CYTH1: variants seen among roughly 807,000 people sequenced by gnomAD.
CYTH1 encodes the protein cytohesin-1.
CYTH1 carries 18 observed loss-of-function variants against 61.8 expected under a neutral mutation model. That is an observed-to-expected ratio of 0.29 (90% CI 0.20 to 0.43). CYTH1 has a LOEUF of 0.43. Ranked by LOEUF, CYTH1 falls within the 20% of genes least tolerant of loss-of-function variation. The pLI is 1.00. For synonymous variants in CYTH1, 174 were observed against 184.3 expected (o/e 0.94, Z 0.45); for missense variants, 336 against 510.5 (o/e 0.66, Z 3.29).
chr17:78,682,063 C>A (rs2092769970), intron 11 of CYTH1, among the ~76,000 whole-genome samples: 1 of 151,562 alleles, frequency 6.6e-6, no homozygotes, highest in Non-Finnish European at 1.5e-5. Flanking sequence ...GCTCCTCTTA[C>A]CCGGGCATAT....
chr17:78,737,488 T>C (rs1325034525), intron 1 of CYTH1, among the ~76,000 whole-genome samples: 4 of 152,088 alleles, frequency 2.6e-5, no homozygotes, highest in Non-Finnish European at 4.4e-5. Context: ...TTAAAATCCC[T>C]GGTCCCCTCA....
At chr17:78,713,207 TACAG>T (rs2093151691) in intron 1 of CYTH1, among the ~76,000 whole-genome samples, 2 of 152,124 alleles carry the variant, frequency 1.3e-5, no homozygotes, top group Non-Finnish European at 2.9e-5. Flanking sequence ...TACACCGTTC[TACAG>T]AAACGCATGT....
intron 1 of CYTH1, among the ~76,000 whole-genome samples, chr17:78,722,725 C>T (rs2093239504): frequency 6.6e-6 from 1 of 152,216 alleles, no homozygotes; most frequent in Non-Finnish European, 1.5e-5. Context: ...TATTCTCCCT[C>T]AGTCTGACAG....
intron 13 of CYTH1, chr17:78,676,570 C>T (rs975019777): frequency 3.5e-6 from 1 of 285,582 alleles, no homozygotes; most frequent in African/African-American, 2.2e-5. Context: ...CACATGCAGT[C>T]CTCTGGCACG....
chr17:78,753,182 G>A (rs1468989618), intron 1 of CYTH1, among the ~76,000 whole-genome samples: 2 of 152,140 alleles, frequency 1.3e-5, no homozygotes, highest in African/African-American at 4.8e-5. Context: ...TGGTCAGGCT[G>A]GGCGTGGTTG....
intron 1 of CYTH1, among the ~76,000 whole-genome samples, chr17:78,710,147 T>G (rs1206586720): frequency 6.6e-6 from 1 of 152,120 alleles, no homozygotes; most frequent in Non-Finnish European, 1.5e-5. Flanking sequence ...AAGATGTCCA[T>G]GACCCCCTGA....
At chr17:78,756,073 A>C (rs992696307) in intron 1 of CYTH1, among the ~76,000 whole-genome samples, 1 of 118,542 alleles carries the variant, frequency 8.4e-6, no homozygotes, top group Non-Finnish European at 1.8e-5. Context: ...TTATTTATTT[A>C]TTTTTATTTT....
intron 1 of CYTH1, among the ~76,000 whole-genome samples, chr17:78,718,091 C>T (rs556566711): frequency 6.6e-6 from 1 of 152,186 alleles, no homozygotes; most frequent in East Asian, 1.9e-4. Context: ...GTCAGAGTTG[C>T]TCCCAGGCCA....
chr17:78,675,109 G>A lies in CYTH1; in HGVS notation c.*982C>T, dbSNP rs1442829915. 1 of 152,246 alleles carries A rather than the reference G, an allele frequency of 6.6e-6. No individual in the cohort carries two copies. The highest frequency in any genetic ancestry group is 1.5e-5 in the Non-Finnish European group (1 of 68,052). The allele number at this position is 152,246 out of a possible 1,614,324, so 9.4% of individuals were successfully genotyped here. ...AGAACGAGGACTGGAGTCTGGGGAA[G>A]AGGAAGAAAACCCAAAATGAAACAG... is the stretch of plus-strand genomic sequence containing the variant. On this transcript the variant is annotated 3_prime_UTR_variant, in exon 14 of 14. Transcript: ENST00000446868.
At chr17:78,778,386 C>T (rs952704339) in intron 1 of CYTH1, among the ~76,000 whole-genome samples, 18 of 150,924 alleles carry the variant, frequency 1.2e-4, no homozygotes, top group Non-Finnish European at 4.4e-5. Context: ...GCCTGTAATC[C>T]CAGCACTTTG....
intron 13 of CYTH1, chr17:78,677,126 C>T: frequency 2.2e-6 from 1 of 454,818 alleles, no homozygotes; most frequent in South Asian, 1.6e-5. Context: ...CTGAAGAGCA[C>T]TAGAAACATG....
intron 1 of CYTH1, among the ~76,000 whole-genome samples, chr17:78,746,564 C>A (rs1218375070): frequency 6.6e-6 from 1 of 152,158 alleles, no homozygotes; most frequent in Non-Finnish European, 1.5e-5. Flanking sequence ...CTCTTACTTT[C>A]CATCTGAAAG....
In CYTH1 at chr17:78,720,817, A is replaced by G. The variant is rs374776611; in HGVS notation, c.23-11085T>C. ...GTAAGCCCTGGAATGTGGAGGTTGCAGTGAGCCCAGGTTGCACCACTGCAT... is the reference window on the plus strand; with the variant it reads ...GTAAGCCCTGGAATGTGGAGGTTGCGGTGAGCCCAGGTTGCACCACTGCAT... On this transcript the variant is annotated intron_variant, in intron 1 of 13. Transcript: ENST00000446868. Among the ~76,000 whole-genome samples the G allele has an allele frequency of 3.2e-3, 480 of 152,284 alleles. 1 individual carries two copies. Among genetic ancestry groups the G allele is most frequent in the African/African-American group, 0.011 (441 of 41,570 alleles).
At chr17:78,734,938 G>T (rs949669552) in intron 1 of CYTH1, among the ~76,000 whole-genome samples, 1 of 152,014 alleles carries the variant, frequency 6.6e-6, no homozygotes, top group African/African-American at 2.4e-5. Flanking sequence ...GGATCTCAGG[G>T]ACCTGCCAGA....
chr17:78,701,598 C>A, intron 6 of CYTH1, 73 bp downstream of exon 6: 3 of 1,311,174 alleles, frequency 2.3e-6, no homozygotes, highest in South Asian at 1.3e-5. Context: ...AATAAAATGC[C>A]CCCCAGGACA....
At chr17:78,697,625 AACC>A (rs2092954301) in intron 9 of CYTH1, among the ~76,000 whole-genome samples, 1 of 151,844 alleles carries the variant, frequency 6.6e-6, no homozygotes, top group Non-Finnish European at 1.5e-5. Flanking sequence ...AAAAAAAAAA[AACC>A]ACTGCCCAAG....
intron 11 of CYTH1, among the ~76,000 whole-genome samples, chr17:78,689,191 T>A (rs2092849917): frequency 6.6e-6 from 1 of 152,118 alleles, no homozygotes; most frequent in African/African-American, 2.4e-5. Flanking sequence ...GTACATCAGC[T>A]CACTTGCCAC....
At chr17:78,728,708 A>C (rs2093278743) in intron 1 of CYTH1, among the ~76,000 whole-genome samples, 1 of 152,200 alleles carries the variant, frequency 6.6e-6, no homozygotes, top group African/African-American at 2.4e-5. Context: ...AGATTAAAGC[A>C]CGTGAGGCTT....
At chr17:78,763,662 A>G (rs1051935896) in intron 1 of CYTH1, among the ~76,000 whole-genome samples, 3 of 152,252 alleles carry the variant, frequency 2.0e-5, no homozygotes, top group African/African-American at 7.2e-5. Flanking sequence ...AGTTACGTGA[A>G]TGTAGTCTCT....
Sources: gnomAD v4.1 joint callset for allele counts (sites outside exome capture counted in the v4.1 genomes callset) on GRCh38, gnomAD v4.1.1 for gene constraint, MANE v1.5 for transcripts, NCBI Gene and HGNC (gene_info 2026-07-23, HGNC 2026-07-21) for gene names.